Variants in TRIP4 observed in about 807,000 individuals in gnomAD.
TRIP4 encodes the protein activating signal cointegrator 1.
Under a neutral mutation model 81.8 loss-of-function variants are expected in TRIP4, and 54 were observed. The observed-to-expected ratio is 0.66, with a 90% CI of 0.53 to 0.83. The LOEUF (loss-of-function observed/expected upper bound fraction) is 0.83, where lower values mean the gene tolerates loss of function less well. Among genes scored for constraint, TRIP4 ranks in the 40% least tolerant of loss-of-function variants. The pLI, the probability that TRIP4 is intolerant of heterozygous loss-of-function variation, is 0.00. For missense variants in TRIP4, 662 were observed against 683.6 expected (o/e 0.97, Z 0.35); for synonymous variants, 270 against 242.8 (o/e 1.11, Z -1.04).
intron 9 of TRIP4, among the ~76,000 whole-genome samples, chr15:64,420,427 A>G (rs1032970937): frequency 2.7e-5 from 4 of 149,220 alleles, no homozygotes; most frequent in East Asian, 2.0e-4. Flanking sequence ...GGCTGTTTCT[A>G]TTTTTCTTGT....
In TRIP4 at chr15:64,451,826, G is replaced by T. The variant is rs928414113; in HGVS notation, c.1679-3171G>T. On this transcript the variant is annotated intron_variant, in intron 12 of 12. Transcript: ENST00000261884. ...CCTCCACCACGCCCAACTAATTTTT[G>T]TATTTTTAGTAGAGACGGGTTTCAC... Among the ~76,000 whole-genome samples the T allele has an allele frequency of 6.6e-5, 10 of 150,834 alleles. No individual in the cohort carries two copies. The South Asian group carries it at 1.9e-3, about 28-fold the overall frequency.
rs754251723 is a variant in TRIP4 at position 64,445,119 on chromosome 15, A to AT, written c.1678+19dup. ...GAAATCCAAAAATCTGTAAGTCATG[A>AT]TTTTTTTTCTTTAAGACTAGTCAAG... On this transcript the variant is annotated intron_variant, in intron 12 of 12. Coordinates refer to ENST00000261884, the MANE Select transcript of TRIP4 (RefSeq NM_016213.5). The AT allele has an allele frequency of 2.9e-5, 44 of 1,521,020 alleles. No homozygotes were observed. The highest frequency in any genetic ancestry group is 9.7e-5 in the African/African-American group (7 of 72,162). 94.2% of individuals were successfully genotyped at this position (1,521,020 alleles called of 1,614,324 possible).
chr15:64,400,873 G>A (rs756197581), intron 5 of TRIP4, 52 bp downstream of exon 5: 20 of 1,432,490 alleles, frequency 1.4e-5, no homozygotes, highest in Admixed American at 5.3e-5. Flanking sequence ...ACCTTGTTGC[G>A]TCTGTGGTTG....
intron 12 of TRIP4, among the ~76,000 whole-genome samples, chr15:64,452,167 A>G (rs1892781582): frequency 6.6e-6 from 1 of 151,576 alleles, no homozygotes; most frequent in African/African-American, 2.4e-5. Context: ...TTTTTGTTAG[A>G]GACAGTATTT....
rs767958694 is a variant in TRIP4 at position 64,406,409 on chromosome 15, G to A, written c.777G>A (p.Leu259=). The A allele has an allele frequency of 9.3e-6, 15 of 1,614,016 alleles. 1 individual carries two copies. The Admixed American group carries it at 2.3e-4, about 25-fold the overall frequency. Residue 259 remains leucine (L), a synonymous_variant, in exon 6 of 13, where the codon CTG becomes CTA. Coordinates refer to ENST00000261884, the MANE Select transcript of TRIP4 (RefSeq NM_016213.5). ...PHQELRIKSG[L]EKAIKHKDKL... Reference sequence around the variant, plus strand: ...AAGAATTGCGAATTAAGTCTGGTCTGGAGAAGGCTATCAAGCATAAAGACA... The same window carrying A: ...AAGAATTGCGAATTAAGTCTGGTCTAGAGAAGGCTATCAAGCATAAAGACA...
At chr15:64,431,257 ACAGCCCT>A (rs1406911286) in intron 11 of TRIP4, among the ~76,000 whole-genome samples, 1 of 152,122 alleles carries the variant, frequency 6.6e-6, no homozygotes, top group African/African-American at 2.4e-5. Context: ...TATTCCGATA[ACAGCCCT>A]CACGATGAGG....
chr15:64,435,725 T>C lies in TRIP4; in HGVS notation c.1576-9281T>C, dbSNP rs189006003. On this transcript the variant is annotated intron_variant, in intron 11 of 12. Coordinates refer to ENST00000261884, the MANE Select transcript of TRIP4 (RefSeq NM_016213.5). ...GACAAGAAAACCCAACCATAATAACTATCACATGAATAGTGGAATACACTA... is the reference window on the plus strand; with the variant it reads ...GACAAGAAAACCCAACCATAATAACCATCACATGAATAGTGGAATACACTA... Among the ~76,000 whole-genome samples the C allele has an allele frequency of 1.2e-3, 174 of 144,502 alleles. 1 individual carries two copies. The highest frequency in any genetic ancestry group is 3.0e-4 in the Non-Finnish European group (20 of 66,892). 94.8% of individuals were successfully genotyped at this position (144,502 alleles called of 152,430 possible). A position where few individuals can be genotyped will look rare whatever the true frequency, so the allele number is the denominator to read the frequency against.
intron 7 of TRIP4, among the ~76,000 whole-genome samples, chr15:64,411,781 G>A (rs1293997423): frequency 2.6e-5 from 4 of 151,390 alleles, no homozygotes; most frequent in Non-Finnish European, 5.9e-5. Context: ...CCAGATTCAC[G>A]CCATTCTCCT....
chr15:64,432,953 T>G (rs1234657090), intron 11 of TRIP4, among the ~76,000 whole-genome samples: 1 of 150,558 alleles, frequency 6.6e-6, no homozygotes, highest in Non-Finnish European at 1.5e-5. Flanking sequence ...AAATAAACAC[T>G]TGAGAGCCTA....
chr15:64,408,972 T>A (rs1182646656), intron 6 of TRIP4, among the ~76,000 whole-genome samples: 1 of 152,122 alleles, frequency 6.6e-6, no homozygotes, highest in Admixed American at 6.6e-5. Flanking sequence ...CCTAGCACTT[T>A]GGGAGGCCAA....
chr15:64,439,677 T>A (rs1489966469), intron 11 of TRIP4, among the ~76,000 whole-genome samples: 2 of 151,546 alleles, frequency 1.3e-5, no homozygotes, highest in Non-Finnish European at 2.9e-5. Flanking sequence ...GTGCCCGCCA[T>A]CATGCCGGCT....
At position 64,418,564 on chromosome 15, in the gene TRIP4, C is replaced by T. The variant is rs61738389; in HGVS notation, c.1194C>T (p.Ala398=). Residue 398 remains alanine, a synonymous_variant, in exon 9 of 13, where the codon GCC becomes GCT. Transcript: ENST00000261884. ...AGTGGGTTGACCACACAGGTGCAGC[C>T]TCACAGAAGAAGGCTTTCCGTTCTT... ...PPQWVDHTGA[A]SQKKAFRSSG... The T allele has an allele frequency of 6.0e-4, 966 of 1,612,730 alleles. 3 individuals are homozygous for T. In the African/African-American group the frequency reaches 0.011, roughly 19 times the overall value.
rs1348697194 is a variant in TRIP4 at position 64,445,116 on chromosome 15, A to G, written c.1678+8A>G. On this transcript the variant is annotated splice_region_variant and intron_variant, in intron 12 of 12. Coordinates refer to ENST00000261884, the MANE Select transcript of TRIP4 (RefSeq NM_016213.5). ...AAGGAAATCCAAAAATCTGTAAGTC[A>G]TGATTTTTTTTCTTTAAGACTAGTC... 6.5e-7 allele frequency: 1 copy of G among 1,539,528 alleles called. No homozygotes were observed.
chr15:64,430,410 AGAT>A (rs1566981306), intron 11 of TRIP4, among the ~76,000 whole-genome samples: 2 of 152,262 alleles, frequency 1.3e-5, no homozygotes. Flanking sequence ...TGCCAGCAGC[AGAT>A]GTAAGCTCTC....
intron 6 of TRIP4, among the ~76,000 whole-genome samples, 189 bp from the exon 7 acceptor site, chr15:64,409,424 G>T (rs1315495975): frequency 6.6e-6 from 1 of 152,192 alleles, no homozygotes; most frequent in Non-Finnish European, 1.5e-5. Context: ...TTATGGTGCT[G>T]TGTCTTTTCT....
intron 10 of TRIP4, 40 bp from the exon 11 acceptor site, chr15:64,425,500 G>A: frequency 2.0e-6 from 3 of 1,538,442 alleles, no homozygotes; most frequent in Non-Finnish European, 2.7e-6. Flanking sequence ...AGATCACAAA[G>A]AAGGAAATTT....
At chr15:64,402,325 C>T (rs1038728005) in intron 5 of TRIP4, among the ~76,000 whole-genome samples, 3 of 148,984 alleles carry the variant, frequency 2.0e-5, no homozygotes, top group Non-Finnish European at 4.4e-5. Context: ...CAGGTTCAAG[C>T]GATTCTTCTG....
intron 4 of TRIP4, among the ~76,000 whole-genome samples, chr15:64,399,753 G>A (rs187344431): frequency 1.1e-3 from 171 of 151,674 alleles, no homozygotes; most frequent in African/African-American, 3.9e-3. Flanking sequence ...TACCTGCCTC[G>A]GCCTCCCAAA....
chr15:64,454,940 A>G, intron 12 of TRIP4, 57 bp from the exon 13 acceptor site: 13 of 1,541,406 alleles, frequency 8.4e-6, no homozygotes, highest in Non-Finnish European at 1.2e-5. Flanking sequence ...GAGGCTGCAA[A>G]AGATTTGCAT....
Sources: allele counts gnomAD v4.1 joint callset (sites outside exome capture counted in the v4.1 genomes callset), GRCh38; gene constraint gnomAD v4.1.1; transcripts MANE v1.5; gene names NCBI Gene and HGNC (gene_info 2026-07-23, HGNC 2026-07-21).